Variants in SDK2 observed in about 807,000 individuals in gnomAD.
SDK2 encodes the protein protein sidekick-2.
SDK2 carries 105 observed loss-of-function variants against 253.9 expected under a neutral mutation model. The observed-to-expected ratio is 0.41, with a 90% CI of 0.35 to 0.49. The LOEUF is 0.49. Ranked by LOEUF, SDK2 falls within the 20% of genes least tolerant of loss-of-function variation. SDK2 has a pLI of 0.06. For synonymous variants in SDK2, 1,249 were observed against 1,234.9 expected, an observed-to-expected ratio of 1.01 and a Z score of -0.24; for missense variants, 2,608 against 3,003.0, an observed-to-expected ratio of 0.87 and a Z score of 3.07.
At chr17:73,347,775 GC>G (rs1433524377) in intron 44 of SDK2, among the ~76,000 whole-genome samples, 1 of 118,668 alleles carries the variant, frequency 8.4e-6, no homozygotes, top group African/African-American at 3.2e-5. Context: ...AATACACACA[GC>G]CCCTTCCCCA....
intron 4 of SDK2, among the ~76,000 whole-genome samples, chr17:73,449,475 G>T (rs567457251): frequency 1.3e-5 from 2 of 151,768 alleles, no homozygotes; most frequent in Non-Finnish European, 2.9e-5. Flanking sequence ...GCTGGTTTTC[G>T]CCCCACTCTC....
At chr17:73,527,499 C>A (rs2145796686) in intron 1 of SDK2, among the ~76,000 whole-genome samples, 1 of 152,174 alleles carries the variant, frequency 6.6e-6, no homozygotes, top group African/African-American at 2.4e-5. Flanking sequence ...GAGGGGGACT[C>A]CTATGGTTGG....
Position 73,534,212 on chromosome 17 carries a change from C to T in SDK2, c.65-26615G>A, listed in dbSNP as rs992961654. ...GCTGGTAGGAGAGACTCAGTACATC[C>T]TTGCTGAAGGAATGAATGCATGTGT... On this transcript the variant is annotated intron_variant, in intron 1 of 44. Coordinates refer to ENST00000392650, the MANE Select transcript of SDK2 (RefSeq NM_001144952.2). The surrounding 1 kb of genome is among the most constrained non-coding windows in gnomAD (Gnocchi z 4.9). 1.1e-4 allele frequency among the ~76,000 whole-genome samples: 17 copies of T among 152,170 alleles called. No individual in the cohort carries two copies. The highest frequency in any genetic ancestry group is 3.4e-4 in the African/African-American group (14 of 41,436).
chr17:73,623,609 G>T (rs2046161709), intron 1 of SDK2, among the ~76,000 whole-genome samples: 1 of 152,188 alleles, frequency 6.6e-6, no homozygotes, highest in East Asian at 1.9e-4. Context: ...CAGGGATAGG[G>T]TGGGGAGAGC....
chr17:73,515,053 T>C (rs2064013578), intron 1 of SDK2, among the ~76,000 whole-genome samples: 1 of 152,212 alleles, frequency 6.6e-6, no homozygotes, highest in Admixed American at 6.5e-5. Context: ...TGGAACTTTC[T>C]ATCCATGAAG....
intron 1 of SDK2, among the ~76,000 whole-genome samples, chr17:73,555,224 G>A (rs1379361358): frequency 6.6e-6 from 1 of 152,230 alleles, no homozygotes; most frequent in East Asian, 1.9e-4. Flanking sequence ...TAACAGGAGT[G>A]CTGTCTATAC....
In SDK2 at chr17:73,379,305, C is replaced by T. The variant is rs916258984; in HGVS notation, c.4865-13G>A. The T allele has an allele frequency of 6.5e-7, 1 of 1,546,264 alleles. No homozygotes were observed. Among genetic ancestry groups the T allele is most frequent in the Non-Finnish European group, 8.8e-7 (1 of 1,142,050 alleles). On this transcript the variant is annotated splice_polypyrimidine_tract_variant and intron_variant, in intron 35 of 44. Coordinates refer to ENST00000392650, the MANE Select transcript of SDK2 (RefSeq NM_001144952.2). The surrounding 1 kb of genome is among the most constrained non-coding windows in gnomAD (Gnocchi z 4.5). ...GCTGCTGTGGGCACTGGAGGGCGTG[C>T]AGGGTAGGCAGTGAGCATGCGAGTA...
intron 2 of SDK2, among the ~76,000 whole-genome samples, chr17:73,491,845 G>T (rs1048221297): frequency 1.4e-4 from 21 of 152,220 alleles, no homozygotes; most frequent in Non-Finnish European, 3.1e-4. Context: ...ACCCGCCTGC[G>T]AGCCGCCATC....
At chr17:73,387,134 T>C (rs1481181172) in intron 30 of SDK2, among the ~76,000 whole-genome samples, 1 of 152,224 alleles carries the variant, frequency 6.6e-6, no homozygotes, top group Non-Finnish European at 1.5e-5. Context: ...CTAATTTTTG[T>C]ATTTTAGTAG....
At chr17:73,543,460 G>T (rs1042144186) in intron 1 of SDK2, among the ~76,000 whole-genome samples, 1 of 152,240 alleles carries the variant, frequency 6.6e-6, no homozygotes, top group Non-Finnish European at 1.5e-5. Context: ...TGCAGATGCA[G>T]AGTCTATGTA....
Position 73,399,239 on chromosome 17 carries a change from A to G in SDK2, c.3022T>C (p.Ser1008Pro). The change falls in exon 22 of 45, where the codon TCT becomes CCT. Residue 1008 changes from serine (S) to proline (P), a missense_variant. Around this residue, in one of 2 missense-constraint regions of SDK2, gnomAD observed 1,505 missense variants for 1,859.1 expected, o/e 0.81. Coordinates refer to ENST00000392650, the MANE Select transcript of SDK2 (RefSeq NM_001144952.2). ...CCTGGCCTGAACTGCAAGGTCACAGAGCGGGGGCCGATGTTGGAAATGCCC... is the reference window on the plus strand; with the variant it reads ...CCTGGCCTGAACTGCAAGGTCACAGGGCGGGGGCCGATGTTGGAAATGCCC... The part of the protein sequence containing the change: ...NLGISNIGPR[S>P]VTLQFRPGYD... 2 of 1,613,770 alleles carry G rather than the reference A, an allele frequency of 1.2e-6. No homozygotes were observed. The highest frequency in any genetic ancestry group is 1.7e-6 in the Non-Finnish European group (2 of 1,179,792).
intron 18 of SDK2, among the ~76,000 whole-genome samples, chr17:73,404,583 T>C (rs974345813): frequency 6.6e-6 from 1 of 152,222 alleles, no homozygotes; most frequent in Non-Finnish European, 1.5e-5. Context: ...CACATGGACC[T>C]ACTAAGAGCT....
rs1384947429 is a variant in SDK2, at chr17:73,358,208, C to A, written c.5468-4G>T. On this transcript the variant is annotated splice_polypyrimidine_tract_variant and splice_region_variant and intron_variant, in intron 39 of 44. Coordinates refer to ENST00000392650, the MANE Select transcript of SDK2 (RefSeq NM_001144952.2). The stretch of plus-strand genomic sequence containing the variant: ...ACGCCAGGCGGTCCTGGGGCACCTG[C>A]AGACAGCACACAGAGGCGAGGGATG... The A allele has an allele frequency of 6.3e-7, 1 of 1,597,926 alleles. No individual in the cohort carries two copies. Among genetic ancestry groups the A allele is most frequent in the Non-Finnish European group, 8.5e-7 (1 of 1,175,650 alleles).
chr17:73,614,957 T>G (rs1002982076), intron 1 of SDK2, among the ~76,000 whole-genome samples: 4 of 147,688 alleles, frequency 2.7e-5, no homozygotes, highest in African/African-American at 1.0e-4. Context: ...CAAACCCGCA[T>G]GTGTGTCCCC....
At position 73,435,077 on chromosome 17, in the gene SDK2, GA is replaced by G. The variant is rs2063356576; in HGVS notation, c.1195+372del. Among the ~76,000 whole-genome samples the G allele has an allele frequency of 5.3e-5, 8 of 152,314 alleles. No individual in the cohort carries two copies. In the South Asian group the frequency reaches 1.7e-3, roughly 32 times the overall value. On this transcript the variant is annotated intron_variant, in intron 9 of 44. Coordinates refer to ENST00000392650, the MANE Select transcript of SDK2 (RefSeq NM_001144952.2). This position sits in a 1 kb window ranked among gnomAD's most constrained non-coding sequence, Gnocchi z 5.7. ...CACCAGTTTTCTTCTTTGGAAACATGAGCAGGTCTTCTGGAATGGGGTTACT... is the reference window on the plus strand; with the variant it reads ...CACCAGTTTTCTTCTTTGGAAACATGGCAGGTCTTCTGGAATGGGGTTACT...
intron 1 of SDK2, among the ~76,000 whole-genome samples, chr17:73,583,682 G>A (rs2045566615): frequency 6.6e-6 from 1 of 152,220 alleles, no homozygotes; most frequent in Non-Finnish European, 1.5e-5. Flanking sequence ...ACTGCCTGGA[G>A]GGAAGATGCA....
intron 1 of SDK2, among the ~76,000 whole-genome samples, chr17:73,610,047 C>G (rs56375046): frequency 0.19 from 29,583 of 152,204 alleles, 3,120 homozygotes; most frequent in African/African-American, 0.27. Flanking sequence ...ATCAGCCCCA[C>G]GGAGACATGG....
intron 1 of SDK2, among the ~76,000 whole-genome samples, chr17:73,561,405 C>T (rs766518031): frequency 6.6e-6 from 1 of 152,212 alleles, no homozygotes; most frequent in African/African-American, 2.4e-5. Flanking sequence ...ACAGGGCCAC[C>T]TGGGAGGACC....
intron 2 of SDK2, among the ~76,000 whole-genome samples, chr17:73,503,906 C>A (rs2063910115): frequency 6.6e-6 from 1 of 152,214 alleles, no homozygotes. Context: ...GCAGCTATAG[C>A]TTGTGAGCCC....
Sources: gnomAD v4.1 joint callset for allele counts (sites outside exome capture counted in the v4.1 genomes callset) on GRCh38, gnomAD v4.1.1 for gene constraint, gnomAD v4.1.1 regional missense constraint, Gnocchi (gnomAD v3.1) non-coding constraint, MANE v1.5 for transcripts, NCBI Gene and HGNC (gene_info 2026-07-23, HGNC 2026-07-21) for gene names.